The following PABPC4L variants were observed in gnomAD, a reference collection of about 807,000 sequenced individuals.
PABPC4L encodes poly(A) binding protein cytoplasmic 4 like.
For synonymous variants in PABPC4L, 169 were observed against 164.1 expected (o/e 1.03, Z -0.23); for missense variants, 452 against 451.4 (o/e 1.00, Z -0.01).
At chr4:133,992,941 C>T in the PABPC4L span, among the ~76,000 whole-genome samples, 5 of 151,906 alleles carry the variant, frequency 3.3e-5, no homozygotes, top group African/African-American at 1.2e-4. Flanking sequence ...ATTTCTAGTA[C>T]CAGGTTGGGT....
chr4:134,024,699 C>T, the PABPC4L span, among the ~76,000 whole-genome samples: 2 of 151,532 alleles, frequency 1.3e-5, no homozygotes, highest in African/African-American at 2.4e-5. Context: ...CTTCATAACA[C>T]GATTTACATC....
At chr4:133,966,125 AC>A in the PABPC4L span, among the ~76,000 whole-genome samples, 1 of 152,178 alleles carries the variant, frequency 6.6e-6, no homozygotes, top group African/African-American at 2.4e-5. Context: ...CAAGAAAAAA[AC>A]AATTCCATCA....
chr4:134,194,850 A>G (rs1729612902), downstream of PABPC4L, among the ~76,000 whole-genome samples: 1 of 151,808 alleles, frequency 6.6e-6, no homozygotes, highest in Non-Finnish European at 1.5e-5. Flanking sequence ...CACAAGGACC[A>G]GAATGCAAGG....
chr4:134,174,188 C>T, the PABPC4L span, among the ~76,000 whole-genome samples: 2 of 151,870 alleles, frequency 1.3e-5, no homozygotes, highest in Non-Finnish European at 2.9e-5. Context: ...CATATCTCAT[C>T]TCATATCTCA....
Position 134,199,763 on chromosome 4 carries a change from T to C in PABPC4L, c.*144A>G. On this transcript the variant is annotated 3_prime_UTR_variant, in exon 2 of 2. Coordinates refer to ENST00000421491, the MANE Select transcript of PABPC4L (RefSeq NM_001114734.2). ...CCACAAAAGAAAAAAAATGGCTTTG[T>C]ATAAAAAACGTTTTATCATAAAGTT... The C allele has an allele frequency of 9.1e-7, 1 of 1,100,672 alleles. No individual in the cohort carries two copies. Among genetic ancestry groups the C allele is most frequent in the Non-Finnish European group, 1.2e-6 (1 of 805,328 alleles). The allele number at this position is 1,100,672 out of a possible 1,614,324, so 68.2% of individuals were successfully genotyped here. A position where few individuals can be genotyped will look rare whatever the true frequency, so the allele number is the denominator to read the frequency against.
At chr4:134,156,731 T>A in the PABPC4L span, among the ~76,000 whole-genome samples, 1 of 151,854 alleles carries the variant, frequency 6.6e-6, no homozygotes, top group South Asian at 2.1e-4. Context: ...TTGTATAGTC[T>A]AACTGTGACC....
chr4:134,051,388 A>G, the PABPC4L span, among the ~76,000 whole-genome samples: 19,224 of 152,142 alleles, frequency 0.13, 1,557 homozygotes, highest in East Asian at 0.43. Context: ...CTTTTAGCTG[A>G]CAGTTTAACT....
At chr4:134,174,902 C>T in the PABPC4L span, among the ~76,000 whole-genome samples, 14 of 152,032 alleles carry the variant, frequency 9.2e-5, no homozygotes, top group African/African-American at 2.2e-4. Context: ...AAATCTTTAG[C>T]GGGTTTTGAA....
At chr4:134,016,884 C>A in the PABPC4L span, among the ~76,000 whole-genome samples, 2 of 152,108 alleles carry the variant, frequency 1.3e-5, no homozygotes, top group Non-Finnish European at 1.5e-5. Context: ...GGATTTGTCC[C>A]TGCCCAGGAC....
At chr4:134,185,203 T>C in the PABPC4L span, among the ~76,000 whole-genome samples, 8 of 151,940 alleles carry the variant, frequency 5.3e-5, no homozygotes, top group African/African-American at 1.9e-4. Flanking sequence ...TGGTGTGGTA[T>C]CTAAATAGTC....
the PABPC4L span, among the ~76,000 whole-genome samples, chr4:134,113,968 C>T: frequency 1.3e-5 from 2 of 151,782 alleles, no homozygotes; most frequent in Admixed American, 1.3e-4. Flanking sequence ...TAGGAAGTCA[C>T]AAATATTTAA....
At chr4:134,061,119 G>C in the PABPC4L span, among the ~76,000 whole-genome samples, 4 of 152,136 alleles carry the variant, frequency 2.6e-5, no homozygotes, top group East Asian at 5.8e-4. Context: ...TGCTTGAGGT[G>C]ATGAATACCT....
At chr4:134,176,764 A>G in the PABPC4L span, among the ~76,000 whole-genome samples, 1 of 152,100 alleles carries the variant, frequency 6.6e-6, no homozygotes, top group African/African-American at 2.4e-5. Context: ...GACATAGGAA[A>G]GGGTAAGTAA....
chr4:134,004,084 A>C, the PABPC4L span, among the ~76,000 whole-genome samples: 4 of 151,888 alleles, frequency 2.6e-5, no homozygotes, highest in Non-Finnish European at 4.4e-5. Context: ...GGTTTACGCA[A>C]TGATTTTTTG....
At chr4:133,958,258 C>T in the PABPC4L span, among the ~76,000 whole-genome samples, 2 of 152,278 alleles carry the variant, frequency 1.3e-5, no homozygotes, top group Admixed American at 1.3e-4. Context: ...AAACCCAATG[C>T]TAAAGCATAA....
the PABPC4L span, among the ~76,000 whole-genome samples, chr4:134,028,561 T>C: frequency 1.3e-5 from 2 of 152,092 alleles, no homozygotes; most frequent in African/African-American, 4.8e-5. Context: ...TTAATAGGCC[T>C]TTAGTGCACT....
the PABPC4L span, among the ~76,000 whole-genome samples, chr4:134,148,479 A>G: frequency 6.6e-6 from 1 of 151,946 alleles, no homozygotes; most frequent in Non-Finnish European, 1.5e-5. Context: ...TCCATCTTTT[A>G]CTGCTCCTAT....
At chr4:133,972,530 C>T in the PABPC4L span, among the ~76,000 whole-genome samples, 2 of 152,154 alleles carry the variant, frequency 1.3e-5, no homozygotes, top group African/African-American at 4.8e-5. Flanking sequence ...AAGAAAGCGA[C>T]TTTACTCAAG....
the PABPC4L span, among the ~76,000 whole-genome samples, chr4:133,986,854 G>A: frequency 1.3e-5 from 2 of 151,818 alleles, no homozygotes; most frequent in Non-Finnish European, 2.9e-5. Flanking sequence ...TCCTGCCTCA[G>A]CCTCCGGAGT....
Sources: gnomAD v4.1 joint callset for allele counts (sites outside exome capture counted in the v4.1 genomes callset) on GRCh38, gnomAD v4.1.1 for gene constraint, MANE v1.5 for transcripts, NCBI Gene and HGNC (gene_info 2026-07-23, HGNC 2026-07-21) for gene names.